SERBP1: variants seen among roughly 807,000 people sequenced by gnomAD.
SERBP1 encodes the protein SERPINE1 mRNA binding protein 1.
SERBP1 carries 6 observed loss-of-function variants against 50.2 expected under a neutral mutation model. That is an observed-to-expected ratio of 0.12 (90% confidence interval 0.07 to 0.24). SERBP1 has a LOEUF of 0.24. SERBP1 is among the 10% of genes least tolerant of loss of function. The pLI, the probability that SERBP1 is intolerant of heterozygous loss-of-function variation, is 1.00. For synonymous variants in SERBP1, 168 were observed against 182.8 expected, an observed-to-expected ratio of 0.92 and a Z score of 0.65; for missense variants, 346 against 524.9, an observed-to-expected ratio of 0.66 and a Z score of 3.33.
intron 5 of SERBP1, among the ~76,000 whole-genome samples, chr1:67,421,236 T>A (rs1310723427): frequency 6.6e-6 from 1 of 152,104 alleles, no homozygotes; most frequent in Non-Finnish European, 1.5e-5. Context: ...ATGAGAAATC[T>A]AAGAATATAA....
At chr1:67,418,102 A>G (rs997608718) in intron 6 of SERBP1, among the ~76,000 whole-genome samples, 2 of 146,656 alleles carry the variant, frequency 1.4e-5, no homozygotes, top group Non-Finnish European at 3.0e-5. Context: ...CAGCCTCCTG[A>G]GTAGCTGGGA....
chr1:67,416,178 A>C (rs1034564514), intron 6 of SERBP1, among the ~76,000 whole-genome samples: 2 of 152,178 alleles, frequency 1.3e-5, no homozygotes, highest in Non-Finnish European at 2.9e-5. Context: ...ACACCTGGCT[A>C]ATTTTTTTGT....
chr1:67,422,021 C>A (rs1473215156), intron 5 of SERBP1, among the ~76,000 whole-genome samples: 1 of 152,168 alleles, frequency 6.6e-6, no homozygotes, highest in Non-Finnish European at 1.5e-5. Context: ...ATCACAACTT[C>A]ATTGTTTATC....
intron 5 of SERBP1, among the ~76,000 whole-genome samples, chr1:67,423,186 C>T (rs559912058): frequency 1.3e-5 from 2 of 150,226 alleles, no homozygotes; most frequent in African/African-American, 4.9e-5. Flanking sequence ...GTAATCCCAG[C>T]TACTCCAGAG....
intron 6 of SERBP1, among the ~76,000 whole-genome samples, chr1:67,417,971 G>GTTTTTTTTTTTTTTTTTTTTTTTT (rs397861816): frequency 1.3e-5 from 1 of 76,800 alleles, no homozygotes; most frequent in African/African-American, 5.5e-5. Context: ...TTAAAGTGTT[G>GTTTTTTTTTTTTTTTTTTTTTTTT]TTTTTTTTTT....
At chr1:67,418,393 A>T (rs1667095588) in intron 6 of SERBP1, among the ~76,000 whole-genome samples, 3 of 152,208 alleles carry the variant, frequency 2.0e-5, no homozygotes, top group Admixed American at 2.0e-4. Flanking sequence ...AAAAACTTTT[A>T]ATCTTTTTAA....
In SERBP1 at chr1:67,426,137, A is replaced by G. The variant is rs1206891089; in HGVS notation, c.462T>C (p.Asp154=). Residue 154 remains aspartate (D), a splice_region_variant and synonymous_variant, in exon 2 of 8, where the codon GAT becomes GAC. Coordinates refer to ENST00000361219, the MANE Select transcript of SERBP1 (RefSeq NM_001018069.2). ...EKGEGGEFSV[D]RPIIDRPIRG... ...CTCAAAAACAAGAAACAACTTACCTATCAACTGAAAATTCGCCTCCTTCAC... is the reference window on the plus strand; with the variant it reads ...CTCAAAAACAAGAAACAACTTACCTGTCAACTGAAAATTCGCCTCCTTCAC... 1 of 1,604,336 alleles carries G rather than the reference A, an allele frequency of 6.2e-7. No individual in the cohort carries two copies. The highest frequency in any genetic ancestry group is 8.5e-7 in the Non-Finnish European group (1 of 1,176,756).
Position 67,424,300 on chromosome 1 carries a change from T to G in SERBP1, c.696-23A>C, listed in dbSNP as rs754666645. On this transcript the variant is annotated intron_variant, in intron 4 of 7. Transcript: ENST00000361219. The stretch of plus-strand genomic sequence containing the variant: ...TCACTGTAATTATAAGATATTTGTT[T>G]CTGAATGTATTTGGGGGACTCTCTA... 1.6e-5 allele frequency: 26 copies of G among 1,609,704 alleles called. No homozygotes were observed. In the South Asian group the frequency reaches 2.6e-4, roughly 16 times the overall value.
intron 6 of SERBP1, 109 bp downstream of exon 6, chr1:67,419,900 T>C: frequency 1.1e-6 from 1 of 906,504 alleles, no homozygotes; most frequent in Non-Finnish European, 1.7e-6. Context: ...AATGATCCTA[T>C]GTAAAGCTTT....
intron 1 of SERBP1, among the ~76,000 whole-genome samples, chr1:67,428,873 A>G (rs74080217): frequency 4.2e-4 from 64 of 152,346 alleles, no homozygotes; most frequent in African/African-American, 1.4e-3. Context: ...CGTGGCAGGA[A>G]GGGGTAATTT....
rs941527375 is a variant in SERBP1, at chr1:67,430,402, G to T, written c.-102C>A. 7.0e-6 allele frequency: 9 copies of T among 1,277,304 alleles called. No homozygotes were observed. In the East Asian group the frequency reaches 1.3e-4, roughly 18 times the overall value. The allele number at this position is 1,277,304 out of a possible 1,614,324, so 79.1% of individuals were successfully genotyped here. A position where few individuals can be genotyped will look rare whatever the true frequency, so the allele number is the denominator to read the frequency against. On this transcript the variant is annotated 5_prime_UTR_variant, in exon 1 of 8. Transcript: ENST00000361219. ...CCCACAAGATGGCCGGGCCGAGAGAGGGGGGCCGTCTTCTCTTCCGGCGCC... is the reference window on the plus strand; with the variant it reads ...CCCACAAGATGGCCGGGCCGAGAGATGGGGGCCGTCTTCTCTTCCGGCGCC...
intron 5 of SERBP1, among the ~76,000 whole-genome samples, chr1:67,422,964 CAAAA>C (rs1239735768): frequency 1.4e-3 from 2 of 1,398 alleles, no homozygotes; most frequent in African/African-American, 1.5e-3. Flanking sequence ...TGTCTCCAAA[CAAAA>C]CAAAACAAAA....
At position 67,425,238 on chromosome 1, in the gene SERBP1, A is replaced by G; in HGVS notation, c.465-15T>C. On this transcript the variant is annotated splice_polypyrimidine_tract_variant and intron_variant, in intron 2 of 7. Coordinates refer to ENST00000361219, the MANE Select transcript of SERBP1 (RefSeq NM_001018069.2). ...CAATAATCGGTCTATAATATAAACA[A>G]ATAAATTATACTTCCATGGTTTCCA... The G allele has an allele frequency of 6.4e-7, 1 of 1,569,908 alleles. No individual in the cohort carries two copies.
At chr1:67,424,678 GA>G (rs3838405) in intron 4 of SERBP1, among the ~76,000 whole-genome samples, 67,068 of 151,816 alleles carry the variant, frequency 0.44, 17,948 homozygotes, top group Non-Finnish European at 0.58. Context: ...ATATGGGGGG[GA>G]AAAAATGAGT....
In SERBP1 at chr1:67,411,416, A is replaced by C. The variant is rs1175605017; in HGVS notation, c.*1791T>G. ...TTAGGAGTGCGTATGTTGCTGTCTC[A>C]ATGAACAATGGGTCAATAGTTCATA... On this transcript the variant is annotated 3_prime_UTR_variant, in exon 8 of 8. Coordinates refer to ENST00000361219, the MANE Select transcript of SERBP1 (RefSeq NM_001018069.2). 1 of 152,216 alleles carries C rather than the reference A, an allele frequency of 6.6e-6. No individual in the cohort carries two copies. 9.4% of individuals were successfully genotyped at this position (152,216 alleles called of 1,614,324 possible).
chr1:67,424,336 GAAAA>G, intron 4 of SERBP1, 59 bp from the exon 5 acceptor site: 1 of 1,577,732 alleles, frequency 6.3e-7, no homozygotes. Context: ...AGGAAAGAAA[GAAAA>G]AGAAAGGCAT....
chr1:67,421,244 TA>T (rs532135794), intron 5 of SERBP1, among the ~76,000 whole-genome samples: 11 of 152,048 alleles, frequency 7.2e-5, no homozygotes, highest in Middle Eastern at 3.4e-3. Context: ...TCTAAGAATA[TA>T]AAAAAAGTCC....
intron 7 of SERBP1, among the ~76,000 whole-genome samples, chr1:67,413,630 CA>C (rs367657831): frequency 2.2e-4 from 30 of 133,926 alleles, no homozygotes; most frequent in African/African-American, 7.9e-4. Flanking sequence ...GCCTGGGAAA[CA>C]GAGTGAGACT....
In SERBP1 at chr1:67,412,604, CATATAT is replaced by C. The variant is rs1210253778; in HGVS notation, c.*597_*602del. The C allele has an allele frequency of 1.3e-5, 2 of 152,420 alleles. No homozygotes were observed. The highest frequency in any genetic ancestry group is 2.1e-4 in the South Asian group (1 of 4,808). 9.4% of individuals were successfully genotyped at this position (152,420 alleles called of 1,614,324 possible). On this transcript the variant is annotated 3_prime_UTR_variant, in exon 8 of 8. Transcript: ENST00000361219. ...GATATTTCTGTATATAAAGATTTAG[CATATAT>C]ATATAACAGCTATCATGAGAAGTGA...
Sources: allele counts gnomAD v4.1 joint callset (sites outside exome capture counted in the v4.1 genomes callset), GRCh38; gene constraint gnomAD v4.1.1; transcripts MANE v1.5; gene names NCBI Gene and HGNC (gene_info 2026-07-23, HGNC 2026-07-21).